DCAF6: variants seen among roughly 807,000 people sequenced by gnomAD.
DCAF6 encodes the protein DDB1- and CUL4-associated factor 6.
DCAF6 carries 54 observed loss-of-function variants against 125.1 expected under a neutral mutation model. The ratio of observed to expected loss-of-function variants is 0.43; its 90% CI spans 0.35 to 0.54. The LOEUF (loss-of-function observed/expected upper bound fraction) is 0.54, where lower values mean the gene tolerates loss of function less well. Among genes scored for constraint, DCAF6 ranks in the 20% least tolerant of loss-of-function variants. The pLI is 0.01. For missense variants in DCAF6, 934 were observed against 1,161.7 expected, an observed-to-expected ratio of 0.80 and a Z score of 2.85; for synonymous variants, 371 against 390.4, an observed-to-expected ratio of 0.95 and a Z score of 0.58.
intron 13 of DCAF6, among the ~76,000 whole-genome samples, chr1:168,041,063 TCA>T (rs1688467042): frequency 6.6e-6 from 1 of 151,958 alleles, no homozygotes; most frequent in Non-Finnish European, 1.5e-5. Flanking sequence ...TCTCTAAATC[TCA>T]GTTTTCTCCC....
chr1:167,945,808 T>G (rs1196381525), intron 1 of DCAF6, among the ~76,000 whole-genome samples: 2 of 151,476 alleles, frequency 1.3e-5, no homozygotes, highest in East Asian at 2.0e-4. Flanking sequence ...CCTTTTTTTT[T>G]TTGTTATTTG....
the DCAF6 span, chr1:167,905,213 G>A: frequency 6.7e-7 from 1 of 1,500,668 alleles, no homozygotes; most frequent in African/African-American, 1.4e-5. Context: ...AAAGAAAATT[G>A]AAATAGAGGA....
chr1:167,934,671 C>G (rs1671016270), upstream of DCAF6, among the ~76,000 whole-genome samples: 1 of 152,144 alleles, frequency 6.6e-6, no homozygotes, highest in South Asian at 2.1e-4. Context: ...AATGGGGGAA[C>G]TAGACAACTT....
At chr1:167,914,603 T>C in the DCAF6 span, among the ~76,000 whole-genome samples, 1 of 152,346 alleles carries the variant, frequency 6.6e-6, no homozygotes, top group East Asian at 1.9e-4. Flanking sequence ...ATCAAATTTA[T>C]CCCAAAGATA....
At chr1:168,050,793 T>G in intron 16 of DCAF6, 99 bp from the exon 17 acceptor site, 4 of 629,782 alleles carry the variant, frequency 6.4e-6, no homozygotes, top group Non-Finnish European at 9.6e-6. Flanking sequence ...TTTTTTAAAT[T>G]GAGATGATTG....
chr1:168,053,699 T>TG (rs927006793), intron 17 of DCAF6, among the ~76,000 whole-genome samples: 8 of 152,212 alleles, frequency 5.3e-5, no homozygotes, highest in African/African-American at 1.9e-4. Context: ...GGGTGTTTAC[T>TG]GGGGTCTGGT....
the DCAF6 span, among the ~76,000 whole-genome samples, chr1:167,872,193 C>T: frequency 1.3e-5 from 2 of 152,046 alleles, no homozygotes; most frequent in Non-Finnish European, 2.9e-5. Context: ...ACAAAATTAG[C>T]CGGGCGTGGT....
the DCAF6 span, chr1:167,920,021 A>G: frequency 6.2e-7 from 1 of 1,613,794 alleles, no homozygotes; most frequent in Non-Finnish European, 8.5e-7. Flanking sequence ...TGCCCCCACA[A>G]AGAAATTAAC....
intron 7 of DCAF6, among the ~76,000 whole-genome samples, chr1:167,998,171 T>C (rs1411009050): frequency 1.3e-5 from 2 of 152,180 alleles, no homozygotes; most frequent in Non-Finnish European, 2.9e-5. Flanking sequence ...CACAGATCTT[T>C]TGGTTTCCCA....
chr1:168,007,305 C>G (rs1451527358), intron 10 of DCAF6, among the ~76,000 whole-genome samples: 1 of 152,056 alleles, frequency 6.6e-6, no homozygotes, highest in Non-Finnish European at 1.5e-5. Context: ...TTTCTTTTGG[C>G]CTTAACATGC....
chr1:167,961,008 A>G (rs2102787275), intron 2 of DCAF6, among the ~76,000 whole-genome samples: 1 of 152,182 alleles, frequency 6.6e-6, no homozygotes, highest in East Asian at 1.9e-4. Context: ...TAATTCTTTG[A>G]TTTCTTTTAC....
At chr1:167,883,370 A>G in the DCAF6 span, 8 of 1,547,836 alleles carry the variant, frequency 5.2e-6, no homozygotes, top group Admixed American at 5.0e-5. Context: ...TATTCTCACC[A>G]ATGTGCTTGT....
chr1:167,914,621 A>G, the DCAF6 span, among the ~76,000 whole-genome samples: 1 of 152,220 alleles, frequency 6.6e-6, no homozygotes, highest in Admixed American at 6.5e-5. Context: ...ATAACTTGAA[A>G]TCCAATGGGC....
chr1:168,004,345 G>A (rs1683052733), intron 9 of DCAF6, among the ~76,000 whole-genome samples, 188 bp from the exon 10 acceptor site: 2 of 152,038 alleles, frequency 1.3e-5, no homozygotes, highest in African/African-American at 4.8e-5. Context: ...AGAATATGTT[G>A]TAGATAAGTT....
chr1:168,034,346 C>G (rs1687530537), intron 12 of DCAF6, among the ~76,000 whole-genome samples: 1 of 152,110 alleles, frequency 6.6e-6, no homozygotes, highest in Admixed American at 6.5e-5. Context: ...GAGACTCCAT[C>G]TCTAGAAAAA....
chr1:167,986,028 T>C (rs1484065754), intron 4 of DCAF6, among the ~76,000 whole-genome samples: 1 of 152,234 alleles, frequency 6.6e-6, no homozygotes, highest in African/African-American at 2.4e-5. Context: ...GATTCATTTA[T>C]GTTGCTGAGA....
chr1:167,990,088 T>C (rs1205165681), intron 5 of DCAF6, among the ~76,000 whole-genome samples: 2 of 152,160 alleles, frequency 1.3e-5, no homozygotes, highest in Non-Finnish European at 2.9e-5. Context: ...GTTTTATAAG[T>C]AAAAAGTATA....
rs565612668 is a variant in DCAF6, at chr1:167,988,768, A to G, written c.552+1160A>G. On this transcript the variant is annotated intron_variant, in intron 5 of 21. Transcript: ENST00000367840. ...TATTTTATATATTTGAAACAGAAAT[A>G]AAACAAAAAGTAGAAATTGAAAAAC... is the stretch of plus-strand genomic sequence containing the variant. Among the ~76,000 whole-genome samples the G allele has an allele frequency of 2.0e-5, 3 of 152,288 alleles. No individual in the cohort carries two copies. The South Asian group carries it at 6.2e-4, about 32-fold the overall frequency.
the DCAF6 span, chr1:167,878,389 C>A: frequency 1.5e-5 from 24 of 1,578,218 alleles, no homozygotes; most frequent in Non-Finnish European, 2.1e-5. Context: ...GCTTTGCTAT[C>A]ATAATTCTCC....
Sources: allele counts gnomAD v4.1 joint callset (sites outside exome capture counted in the v4.1 genomes callset), GRCh38; gene constraint gnomAD v4.1.1; transcripts MANE v1.5; gene names NCBI Gene and HGNC (gene_info 2026-07-23, HGNC 2026-07-21).